ZSWIM6: variants seen among roughly 807,000 people sequenced by gnomAD.
ZSWIM6 encodes the protein zinc finger SWIM domain-containing protein 6.
A neutral mutation model predicts 113.2 loss-of-function variants in ZSWIM6; 9 were observed. The observed-to-expected ratio is 0.08, with a 90% confidence interval of 0.05 to 0.14. The LOEUF (loss-of-function observed/expected upper bound fraction) is 0.14. ZSWIM6 is among the 10% of genes least tolerant of loss of function. ZSWIM6 has a pLI of 1.00. For synonymous variants in ZSWIM6, 611 were observed against 606.5 expected (o/e 1.01, Z -0.11); for missense variants, 1,162 against 1,552.2 (o/e 0.75, Z 4.22).
At chr5:61,516,631 G>A (rs1748951707) in intron 4 of ZSWIM6, among the ~76,000 whole-genome samples, 1 of 150,318 alleles carries the variant, frequency 6.7e-6, no homozygotes, top group Non-Finnish European at 1.5e-5. Context: ...GTACCTCTAT[G>A]TGCATTTAAA....
chr5:61,444,497 G>T (rs1305205380), intron 1 of ZSWIM6, among the ~76,000 whole-genome samples: 2 of 152,038 alleles, frequency 1.3e-5, no homozygotes, highest in Non-Finnish European at 2.9e-5. Flanking sequence ...GGTATTTCTA[G>T]TTCTAGATCC....
chr5:61,367,849 A>G (rs1745192259), intron 1 of ZSWIM6, among the ~76,000 whole-genome samples: 1 of 152,136 alleles, frequency 6.6e-6, no homozygotes, highest in Non-Finnish European at 1.5e-5. Flanking sequence ...GGCTGGGCAT[A>G]GTGGCTCACA....
chr5:61,459,786 CTGT>C (rs1266686382), intron 1 of ZSWIM6, among the ~76,000 whole-genome samples: 2 of 152,136 alleles, frequency 1.3e-5, no homozygotes, highest in Non-Finnish European at 1.5e-5. Flanking sequence ...CCATGGATCT[CTGT>C]TGTTGTATTA....
intron 1 of ZSWIM6, among the ~76,000 whole-genome samples, chr5:61,377,372 T>C (rs1745393038): frequency 6.6e-6 from 1 of 152,106 alleles, no homozygotes; most frequent in Non-Finnish European, 1.5e-5. Context: ...AAGTTTTTTT[T>C]TTCTTGACAT....
At chr5:61,507,205 A>G (rs1475636077) in intron 4 of ZSWIM6, among the ~76,000 whole-genome samples, 1 of 152,200 alleles carries the variant, frequency 6.6e-6, no homozygotes, top group Non-Finnish European at 1.5e-5. Context: ...AAAAATTCCA[A>G]TGGTATCTTT....
intron 1 of ZSWIM6, among the ~76,000 whole-genome samples, chr5:61,395,360 A>G (rs1377245797): frequency 6.6e-6 from 1 of 152,102 alleles, no homozygotes; most frequent in Non-Finnish European, 1.5e-5. Flanking sequence ...CAGGCTATGT[A>G]AAGAGTAAGA....
chr5:61,519,050 T>TTTCCCCATTGCTTGTTTTTCTC (rs1749039632), intron 4 of ZSWIM6, among the ~76,000 whole-genome samples: 1 of 152,194 alleles, frequency 6.6e-6, no homozygotes, highest in Admixed American at 6.5e-5. Flanking sequence ...TAGGGAATCC[T>TTTCCCCATTGCTTGTTTTTCTC]TTCCCCATTG....
At chr5:61,379,304 T>C (rs1745432415) in intron 1 of ZSWIM6, among the ~76,000 whole-genome samples, 1 of 152,176 alleles carries the variant, frequency 6.6e-6, no homozygotes, top group Non-Finnish European at 1.5e-5. Context: ...TACTGCAATT[T>C]CAAGGCTAGA....
At chr5:61,542,152 T>C (rs2112294774) in intron 13 of ZSWIM6, among the ~76,000 whole-genome samples, 187 bp downstream of exon 13, 1 of 152,394 alleles carries the variant, frequency 6.6e-6, no homozygotes, top group Non-Finnish European at 1.5e-5. Flanking sequence ...ACTTGTATTA[T>C]TCAACTTGAA....
At chr5:61,355,496 ACT>A (rs1344500485) in intron 1 of ZSWIM6, among the ~76,000 whole-genome samples, 1 of 139,060 alleles carries the variant, frequency 7.2e-6, no homozygotes, top group Non-Finnish European at 1.6e-5. Context: ...ACACACACAC[ACT>A]ATTAGATGGC....
rs889040869 is a variant in ZSWIM6 at position 61,346,119 on chromosome 5, G to GT, written c.676+13181dup. ...ATCACCACGCCCAGCTAATTTTTGT[G>GT]TTTTTTTTTTAGTAGAGACGGGGTT... On this transcript the variant is annotated intron_variant, in intron 1 of 13. Transcript: ENST00000252744. Among the ~76,000 whole-genome samples, 541 of 147,736 alleles carry GT rather than the reference G, an allele frequency of 3.7e-3. 1 individual carries two copies. The highest frequency in any genetic ancestry group is 0.017 in the South Asian group (78 of 4,640).
At chr5:61,480,466 G>A (rs1380049614) in intron 2 of ZSWIM6, among the ~76,000 whole-genome samples, 3 of 152,098 alleles carry the variant, frequency 2.0e-5, no homozygotes, top group Admixed American at 6.6e-5. Flanking sequence ...TAGCCTCCAC[G>A]GTGAGGAAAA....
chr5:61,445,395 C>A (rs560154765), intron 1 of ZSWIM6, among the ~76,000 whole-genome samples: 13 of 152,220 alleles, frequency 8.5e-5, no homozygotes, highest in African/African-American at 2.6e-4. Flanking sequence ...ACAGTACTGA[C>A]AACTATTTAG....
In ZSWIM6 at chr5:61,472,600, C is replaced by T; in HGVS notation, c.677-81C>T. ...TTTTTTTCTTGCTGCTGTCAAGTCC[C>T]ACACATTTCAAAGAATTAGAGCATT... is the stretch of plus-strand genomic sequence containing the variant. On this transcript the variant is annotated intron_variant, in intron 1 of 13. Transcript: ENST00000252744. This position sits in a 1 kb window ranked among gnomAD's most constrained non-coding sequence, Gnocchi z 4.1. The T allele has an allele frequency of 8.6e-7, 1 of 1,156,718 alleles. No individual in the cohort carries two copies. The highest frequency in any genetic ancestry group is 1.2e-6 in the Non-Finnish European group (1 of 849,350). The allele number at this position is 1,156,718 out of a possible 1,614,324, so 71.7% of individuals were successfully genotyped here. A position where few individuals can be genotyped will look rare whatever the true frequency, so the allele number is the denominator to read the frequency against.
chr5:61,477,111 A>G (rs1041733462), intron 2 of ZSWIM6, among the ~76,000 whole-genome samples: 2 of 152,196 alleles, frequency 1.3e-5, no homozygotes, highest in African/African-American at 4.8e-5. Context: ...TTTCTGGCAC[A>G]TATTTCCTCT....
At chr5:61,457,391 T>C (rs1374812902) in intron 1 of ZSWIM6, among the ~76,000 whole-genome samples, 1 of 152,244 alleles carries the variant, frequency 6.6e-6, no homozygotes, top group African/African-American at 2.4e-5. Context: ...GTTTTCATTT[T>C]GTTGTTTTTG....
intron 7 of ZSWIM6, 113 bp downstream of exon 7, chr5:61,526,509 T>C (rs1561279069): frequency 8.2e-7 from 1 of 1,217,096 alleles, no homozygotes; most frequent in African/African-American, 1.6e-5. Flanking sequence ...ATGATGGCTT[T>C]ACTCGCCATT....
At chr5:61,526,616 GTTAC>G (rs1211823886) in intron 7 of ZSWIM6, among the ~76,000 whole-genome samples, 1 of 151,778 alleles carries the variant, frequency 6.6e-6, no homozygotes, top group Non-Finnish European at 1.5e-5. Context: ...TCTCAGGTTA[GTTAC>G]TTTTTTAAGG....
At chr5:61,462,464 A>G (rs1747339579) in intron 1 of ZSWIM6, among the ~76,000 whole-genome samples, 1 of 152,228 alleles carries the variant, frequency 6.6e-6, no homozygotes, top group South Asian at 2.1e-4. Context: ...AAAATGTGCT[A>G]TGTAAAATTG....
Sources: allele counts gnomAD v4.1 joint callset (sites outside exome capture counted in the v4.1 genomes callset), GRCh38; gene constraint gnomAD v4.1.1; non-coding constraint Gnocchi (gnomAD v3.1); transcripts MANE v1.5; gene names NCBI Gene and HGNC (gene_info 2026-07-23, HGNC 2026-07-21).